TIMM13: variants seen among roughly 807,000 people sequenced by gnomAD.
TIMM13 encodes the protein translocase of inner mitochondrial membrane 13.
A neutral mutation model predicts 10.9 loss-of-function variants in TIMM13; 8 were observed. That is an observed-to-expected ratio of 0.73 (90% CI 0.43 to 1.32). The LOEUF is 1.32. Ranked by LOEUF, TIMM13 falls within the 40% of genes most tolerant of loss-of-function variation. TIMM13 has a pLI of 0.01. For synonymous variants in TIMM13, 68 were observed against 52.5 expected, an observed-to-expected ratio of 1.30 and a Z score of -1.28; for missense variants, 147 against 132.8, an observed-to-expected ratio of 1.11 and a Z score of -0.53.
Position 2,426,188 on chromosome 19 carries a change from T to TC in TIMM13, c.*759_*760insG. On this transcript the variant is annotated 3_prime_UTR_variant, in exon 3 of 3. Transcript: ENST00000215570. ...ACCGTACCCTACCCAAGGACGGGTG[T>TC]GGGGGGGCTGTGGGTCATGGGGATG... The TC allele has an allele frequency of 1.1e-6, 1 of 945,504 alleles. No individual in the cohort carries two copies. The highest frequency in any genetic ancestry group is 1.4e-6 in the Non-Finnish European group (1 of 733,352). 58.6% of individuals were successfully genotyped at this position (945,504 alleles called of 1,614,324 possible).
In TIMM13 at chr19:2,426,937, G is replaced by A. The variant is rs990533158; in HGVS notation, c.*11C>T. 1.5e-5 allele frequency: 24 copies of A among 1,572,748 alleles called. No individual in the cohort carries two copies. Among genetic ancestry groups the A allele is most frequent in the Non-Finnish European group, 2.1e-5 (24 of 1,159,924 alleles). On this transcript the variant is annotated 3_prime_UTR_variant, in exon 3 of 3. Transcript: ENST00000215570. ...GGAAATGAACAGGGTGGGGTGGCCC[G>A]CGCTCGCCGGTCACATGTTGGCTCG...
At position 2,426,999 on chromosome 19, in the gene TIMM13, G is replaced by C; in HGVS notation, c.237C>G (p.Thr79=). The change falls in exon 3 of 3, where the codon ACC becomes ACG. Residue 79 remains threonine (T), a synonymous_variant. Transcript: ENST00000215570. The part of the protein sequence containing the change: ...CMDRYMDAWN[T]VSRAYNSRLQ... ...GCCGCGAGTTGTAGGCGCGAGACAC[G>C]GTGTTCCAGGCGTCCATGTAGCGGT... 1 of 1,608,332 alleles carries C rather than the reference G, an allele frequency of 6.2e-7. No individual in the cohort carries two copies. Among genetic ancestry groups the C allele is most frequent in the Non-Finnish European group, 8.5e-7 (1 of 1,178,106 alleles).
chr19:2,427,235 C>A, intron 2 of TIMM13, 21 bp downstream of exon 2: 1 of 1,612,126 alleles, frequency 6.2e-7, no homozygotes. Flanking sequence ...GACCCTTGCC[C>A]CGAACCTCCG....
Position 2,426,609 on chromosome 19 carries a change from C to A in TIMM13, c.*339G>T, listed in dbSNP as rs1013485144. ...TTTGCCCATCCGCAGGAGGTGACAGCTCCTGTGGTGTCTGACCACCCCCAA... is the reference window on the plus strand; with the variant it reads ...TTTGCCCATCCGCAGGAGGTGACAGATCCTGTGGTGTCTGACCACCCCCAA... On this transcript the variant is annotated 3_prime_UTR_variant, in exon 3 of 3. Coordinates refer to ENST00000215570, the MANE Select transcript of TIMM13 (RefSeq NM_012458.4). 6.8e-6 allele frequency: 3 copies of A among 441,670 alleles called. No homozygotes were observed. Among genetic ancestry groups the A allele is most frequent in the African/African-American group, 6.0e-5 (3 of 49,948 alleles). The allele number at this position is 441,670 out of a possible 1,614,324, so 27.4% of individuals were successfully genotyped here. A position where few individuals can be genotyped will look rare whatever the true frequency, so the allele number is the denominator to read the frequency against.
Position 2,426,478 on chromosome 19 carries a change from G to A in TIMM13, c.*470C>T, listed in dbSNP as rs567661007. On this transcript the variant is annotated 3_prime_UTR_variant, in exon 3 of 3. Transcript: ENST00000215570. ...AAGATGGACTTCTCCCAACCCAGGG[G>A]AGGCTGAGACCCTCCGAGCTGGGGT... 198 of 289,598 alleles carry A rather than the reference G, an allele frequency of 6.8e-4. No homozygotes were observed. The highest frequency in any genetic ancestry group is 4.3e-3 in the African/African-American group (192 of 44,418). The allele number at this position is 289,598 out of a possible 1,614,324, so 17.9% of individuals were successfully genotyped here.
chr19:2,426,358 T>G lies in TIMM13; in HGVS notation c.*590A>C. The G allele has an allele frequency of 2.4e-6, 1 of 411,536 alleles. No individual in the cohort carries two copies. Among genetic ancestry groups the G allele is most frequent in the Non-Finnish European group, 4.3e-6 (1 of 230,262 alleles). 25.5% of individuals were successfully genotyped at this position (411,536 alleles called of 1,614,324 possible). The stretch of plus-strand genomic sequence containing the variant: ...AACGAAGCAGGGTCAAAGCAAGCCC[T>G]GACAAGGGGAAGGCTGTCCCCCTTA... On this transcript the variant is annotated 3_prime_UTR_variant, in exon 3 of 3. Coordinates refer to ENST00000215570, the MANE Select transcript of TIMM13 (RefSeq NM_012458.4).
Position 2,426,375 on chromosome 19 carries a change from T to G in TIMM13, c.*573A>C. On this transcript the variant is annotated 3_prime_UTR_variant, in exon 3 of 3. Transcript: ENST00000215570. ...GCAAGCCCTGACAAGGGGAAGGCTG[T>G]CCCCCTTAGCCTTTGGGGCAGGGGT... 2.6e-6 allele frequency: 1 copy of G among 392,146 alleles called. No individual in the cohort carries two copies. Among genetic ancestry groups the G allele is most frequent in the Non-Finnish European group, 4.6e-6 (1 of 217,832 alleles). The allele number at this position is 392,146 out of a possible 1,614,324, so 24.3% of individuals were successfully genotyped here.
At chr19:2,427,214 T>G in intron 2 of TIMM13, 42 bp downstream of exon 2, 1 of 1,606,862 alleles carries the variant, frequency 6.2e-7, no homozygotes, top group Non-Finnish European at 8.5e-7. Context: ...CCCTCGAATC[T>G]AGGCCCTCGC....
chr19:2,425,648 C>A lies in TIMM13; in HGVS notation c.*1300G>T. 2.2e-6 allele frequency: 3 copies of A among 1,347,876 alleles called. No homozygotes were observed. The highest frequency in any genetic ancestry group is 2.9e-6 in the Non-Finnish European group (3 of 1,039,578). 83.5% of individuals were successfully genotyped at this position (1,347,876 alleles called of 1,614,324 possible). On this transcript the variant is annotated 3_prime_UTR_variant, in exon 3 of 3. Coordinates refer to ENST00000215570, the MANE Select transcript of TIMM13 (RefSeq NM_012458.4). ...AGCCTTTTTGGCTCTGGAGGAATTT[C>A]CACTCCACAGCCGTTTATTGGGCAA...
rs746279117 is a variant in TIMM13 at position 2,427,553 on chromosome 19, G to A, written c.-20C>T. ...CTCCATGGCTCCGCAAAGTCAACCG[G>A]ACCGAGGCCGCGTGCGCCGACTCGT... On this transcript the variant is annotated 5_prime_UTR_variant, in exon 1 of 3. Transcript: ENST00000215570. The A allele has an allele frequency of 2.5e-6, 4 of 1,583,502 alleles. No homozygotes were observed. In the South Asian group the frequency reaches 3.4e-5, roughly 13 times the overall value.
In TIMM13 at chr19:2,427,577, G is replaced by A. The variant is rs1568198113; in HGVS notation, c.-44C>T. 5 of 1,555,340 alleles carry A rather than the reference G, an allele frequency of 3.2e-6. No individual in the cohort carries two copies. In the South Asian group the frequency reaches 3.5e-5, roughly 11 times the overall value. Reference sequence around the variant, plus strand: ...GGACCGAGGCCGCGTGCGCCGACTCGTAACTAACTGCGCCGGAAGCGGGCC... The same window carrying A: ...GGACCGAGGCCGCGTGCGCCGACTCATAACTAACTGCGCCGGAAGCGGGCC... On this transcript the variant is annotated 5_prime_UTR_variant, in exon 1 of 3. It adds an upstream start codon to the 5' untranslated region. Coordinates refer to ENST00000215570, the MANE Select transcript of TIMM13 (RefSeq NM_012458.4).
Position 2,425,843 on chromosome 19 carries a change from G to A in TIMM13, c.*1105C>T, listed in dbSNP as rs1423794567. 14 of 1,472,224 alleles carry A rather than the reference G, an allele frequency of 9.5e-6. No homozygotes were observed. Among genetic ancestry groups the A allele is most frequent in the Admixed American group, 2.4e-5 (1 of 41,574 alleles). The allele number at this position is 1,472,224 out of a possible 1,614,324, so 91.2% of individuals were successfully genotyped here. A position where few individuals can be genotyped will look rare whatever the true frequency, so the allele number is the denominator to read the frequency against. ...GCGGCTCCCAGGGGAAGTCACTAGG[G>A]TCACTCCTAGAGGGGCCAATGACCC... On this transcript the variant is annotated 3_prime_UTR_variant, in exon 3 of 3. Transcript: ENST00000215570.
At chr19:2,427,226 ACCCTTG>A in intron 2 of TIMM13, 24 bp downstream of exon 2, 1 of 1,609,376 alleles carries the variant, frequency 6.2e-7, no homozygotes, top group Non-Finnish European at 8.5e-7. Flanking sequence ...GGCCCTCGCG[ACCCTTG>A]CCCCGAACCT....
Position 2,427,242 on chromosome 19 carries a change from T to G in TIMM13, c.189+14A>C, listed in dbSNP as rs1971661213. On this transcript the variant is annotated intron_variant, in intron 2 of 2. Transcript: ENST00000215570. Reference sequence around the variant, plus strand: ...GCCCTCGCGACCCTTGCCCCGAACCTCCGCGGGTCTCACCTGCTCGGAGTT... The same window carrying G: ...GCCCTCGCGACCCTTGCCCCGAACCGCCGCGGGTCTCACCTGCTCGGAGTT... 6.2e-7 allele frequency: 1 copy of G among 1,611,916 alleles called. No individual in the cohort carries two copies. The highest frequency in any genetic ancestry group is 1.3e-5 in the African/African-American group (1 of 74,708).
At position 2,426,264 on chromosome 19, in the gene TIMM13, T is replaced by TA; in HGVS notation, c.*683_*684insT. On this transcript the variant is annotated 3_prime_UTR_variant, in exon 3 of 3. Transcript: ENST00000215570. ...ATAAACACAGCCCCTCCACCCTAGC[T>TA]CACTGGCTCAGCACCTCAGTGTCAC... 1 of 342,086 alleles carries TA rather than the reference T, an allele frequency of 2.9e-6. No homozygotes were observed. Among genetic ancestry groups the TA allele is most frequent in the East Asian group, 8.9e-5 (1 of 11,268 alleles). The allele number at this position is 342,086 out of a possible 1,614,324, so 21.2% of individuals were successfully genotyped here.
rs1003102569 is a variant in TIMM13 at position 2,425,749 on chromosome 19, G to A, written c.*1199C>T. The A allele has an allele frequency of 5.2e-5, 61 of 1,164,236 alleles. No homozygotes were observed. The highest frequency in any genetic ancestry group is 6.8e-5 in the Non-Finnish European group (58 of 859,068). The allele number at this position is 1,164,236 out of a possible 1,614,324, so 72.1% of individuals were successfully genotyped here. A position where few individuals can be genotyped will look rare whatever the true frequency, so the allele number is the denominator to read the frequency against. ...AGTGGGAGGCACCGTTCCACTCCGG[G>A]ACCACGTGGCGGGTGTCCATAAATG... On this transcript the variant is annotated 3_prime_UTR_variant, in exon 3 of 3. Coordinates refer to ENST00000215570, the MANE Select transcript of TIMM13 (RefSeq NM_012458.4).
chr19:2,426,009 G>A lies in TIMM13; in HGVS notation c.*939C>T. On this transcript the variant is annotated 3_prime_UTR_variant, in exon 3 of 3. Coordinates refer to ENST00000215570, the MANE Select transcript of TIMM13 (RefSeq NM_012458.4). ...GGGGTCACTAGCTGGGGCTATGGCT[G>A]TGGCCGGCCCCACTTCCCAGGTGTC... The A allele has an allele frequency of 5.6e-6, 9 of 1,607,158 alleles. No homozygotes were observed. Among genetic ancestry groups the A allele is most frequent in the Non-Finnish European group, 7.6e-6 (9 of 1,177,732 alleles).
rs756391483 is a variant in TIMM13, at chr19:2,426,002, T to A, written c.*946A>T. The A allele has an allele frequency of 6.2e-7, 1 of 1,607,432 alleles. No individual in the cohort carries two copies. Among genetic ancestry groups the A allele is most frequent in the Non-Finnish European group, 8.5e-7 (1 of 1,177,806 alleles). ...GCTAACTGGGGTCACTAGCTGGGGC[T>A]ATGGCTGTGGCCGGCCCCACTTCCC... On this transcript the variant is annotated 3_prime_UTR_variant, in exon 3 of 3. Coordinates refer to ENST00000215570, the MANE Select transcript of TIMM13 (RefSeq NM_012458.4).
chr19:2,426,587 G>C lies in TIMM13; in HGVS notation c.*361C>G. On this transcript the variant is annotated 3_prime_UTR_variant, in exon 3 of 3. Coordinates refer to ENST00000215570, the MANE Select transcript of TIMM13 (RefSeq NM_012458.4). ...CTCTCCGTCCTCCACCAATTTATTT[G>C]CCCATCCGCAGGAGGTGACAGCTCC... 1 of 371,838 alleles carries C rather than the reference G, an allele frequency of 2.7e-6. No homozygotes were observed. Among genetic ancestry groups the C allele is most frequent in the Non-Finnish European group, 5.0e-6 (1 of 201,998 alleles). The allele number at this position is 371,838 out of a possible 1,614,324, so 23.0% of individuals were successfully genotyped here.
Sources: gnomAD v4.1 joint callset for allele counts on GRCh38, gnomAD v4.1.1 for gene constraint, MANE v1.5 for transcripts, NCBI Gene and HGNC (gene_info 2026-07-23, HGNC 2026-07-21) for gene names.